EPHA6: variants seen among roughly 807,000 people sequenced by gnomAD.
The protein encoded by EPHA6 is ephrin type-A receptor 6.
EPHA6 carries 50 observed loss-of-function variants against 112.0 expected under a neutral mutation model. The ratio of observed to expected loss-of-function variants is 0.45; its 90% confidence interval spans 0.36 to 0.56. EPHA6 has a LOEUF of 0.56. Among genes scored for constraint, EPHA6 ranks in the 20% least tolerant of loss-of-function variants. EPHA6 has a pLI of 0.00. For missense variants in EPHA6, 1,280 were observed against 1,417.4 expected, an observed-to-expected ratio of 0.90 and a Z score of 1.56; for synonymous variants, 529 against 490.7, an observed-to-expected ratio of 1.08 and a Z score of -1.03.
intron 5 of EPHA6, among the ~76,000 whole-genome samples, chr3:97,319,667 C>CAA (rs1340197693): frequency 5.7e-4 from 31 of 54,740 alleles, no homozygotes; most frequent in African/African-American, 1.7e-3. Context: ...GAGATTGTCT[C>CAA]AAAAAAAAAA....
At chr3:97,554,056 A>G (rs538920412) in intron 11 of EPHA6, among the ~76,000 whole-genome samples, 2 of 152,294 alleles carry the variant, frequency 1.3e-5, no homozygotes, top group South Asian at 2.1e-4. Flanking sequence ...ATTAACAGCA[A>G]CAACTTAGTG....
At chr3:97,183,316 T>C (rs2077040721) in intron 3 of EPHA6, among the ~76,000 whole-genome samples, 1 of 152,136 alleles carries the variant, frequency 6.6e-6, no homozygotes, top group Admixed American at 6.6e-5. Context: ...GAAAAAATGT[T>C]AATTATCACT....
chr3:97,567,773 CTT>C (rs1033362737), intron 11 of EPHA6, among the ~76,000 whole-genome samples: 9 of 152,110 alleles, frequency 5.9e-5, no homozygotes, highest in Non-Finnish European at 1.3e-4. Context: ...GGAAAACAAA[CTT>C]TATTATACTC....
At chr3:97,399,911 T>C (rs1018441597) in intron 5 of EPHA6, among the ~76,000 whole-genome samples, 16 of 151,658 alleles carry the variant, frequency 1.1e-4, no homozygotes, top group African/African-American at 3.4e-4. Flanking sequence ...TTGATTGTTT[T>C]CTTTGCTGTT....
At chr3:97,567,650 A>G (rs2093284508) in intron 11 of EPHA6, among the ~76,000 whole-genome samples, 1 of 152,236 alleles carries the variant, frequency 6.6e-6, no homozygotes, top group African/African-American at 2.4e-5. Flanking sequence ...GGAGAGCACC[A>G]GGAGAAACAC....
At chr3:97,589,150 TTTC>T (rs1240989905) in intron 11 of EPHA6, among the ~76,000 whole-genome samples, 1 of 151,742 alleles carries the variant, frequency 6.6e-6, no homozygotes, top group Non-Finnish European at 1.5e-5. Context: ...ATTGCGATTT[TTTC>T]TTTTCTTCTC....
chr3:97,155,400 A>AT (rs776127549), intron 3 of EPHA6, among the ~76,000 whole-genome samples: 7 of 152,324 alleles, frequency 4.6e-5, no homozygotes, highest in Non-Finnish European at 8.8e-5. Flanking sequence ...AAATACCTGA[A>AT]TGTTTGTCAG....
At chr3:97,298,657 C>G (rs1282406464) in intron 5 of EPHA6, among the ~76,000 whole-genome samples, 1 of 151,488 alleles carries the variant, frequency 6.6e-6, no homozygotes, top group Non-Finnish European at 1.5e-5. Context: ...TCTGTTAATC[C>G]TAAAAAAAAG....
At chr3:96,863,600 A>G (rs370070009) in intron 1 of EPHA6, among the ~76,000 whole-genome samples, 1 of 152,152 alleles carries the variant, frequency 6.6e-6, no homozygotes, top group East Asian at 1.9e-4. Flanking sequence ...CTAAGAAACA[A>G]CAAAAAATGT....
intron 5 of EPHA6, among the ~76,000 whole-genome samples, chr3:97,332,411 A>T (rs964116178): frequency 6.6e-6 from 1 of 152,030 alleles, no homozygotes; most frequent in Non-Finnish European, 1.5e-5. Context: ...TGGCCAGGGC[A>T]ATCAGGCAGG....
intron 5 of EPHA6, among the ~76,000 whole-genome samples, chr3:97,367,431 C>T (rs1163320057): frequency 6.6e-6 from 1 of 152,112 alleles, no homozygotes; most frequent in East Asian, 1.9e-4. Flanking sequence ...TCTGGCTGGT[C>T]GTGTCCCTGG....
At chr3:96,904,197 G>A (rs1204257456) in intron 2 of EPHA6, among the ~76,000 whole-genome samples, 2 of 151,824 alleles carry the variant, frequency 1.3e-5, no homozygotes, top group African/African-American at 2.4e-5. Flanking sequence ...GCAAAGACTT[G>A]GAACCAACCC....
chr3:97,363,974 G>A (rs962520111), intron 5 of EPHA6, among the ~76,000 whole-genome samples: 1 of 152,060 alleles, frequency 6.6e-6, no homozygotes, highest in African/African-American at 2.4e-5. Flanking sequence ...AAGACAGAAA[G>A]TAGAATAGTG....
intron 14 of EPHA6, 31 bp from the exon 15 acceptor site, chr3:97,720,230 C>T (rs2034466297): frequency 2.0e-6 from 3 of 1,531,376 alleles, no homozygotes; most frequent in Admixed American, 4.2e-5. Flanking sequence ...CAACGATAAG[C>T]CAGCTAAGAA....
At chr3:97,305,708 G>C (rs1317012255) in intron 5 of EPHA6, among the ~76,000 whole-genome samples, 2 of 151,882 alleles carry the variant, frequency 1.3e-5, no homozygotes, top group African/African-American at 4.8e-5. Context: ...CACACACTGG[G>C]CCTGTCAGTG....
chr3:97,303,360 T>C (rs1265354531), intron 5 of EPHA6, among the ~76,000 whole-genome samples: 2 of 152,016 alleles, frequency 1.3e-5, no homozygotes, highest in Non-Finnish European at 2.9e-5. Flanking sequence ...AGCATTTCAG[T>C]TTTCCTGAGA....
intron 2 of EPHA6, among the ~76,000 whole-genome samples, chr3:96,940,668 T>G (rs567776424): frequency 6.6e-6 from 1 of 152,338 alleles, no homozygotes; most frequent in Non-Finnish European, 1.5e-5. Flanking sequence ...TTTTGTTCGT[T>G]AGTTGATGCA....
At chr3:97,303,999 T>C (rs191824217) in intron 5 of EPHA6, among the ~76,000 whole-genome samples, 6 of 152,086 alleles carry the variant, frequency 3.9e-5, no homozygotes, top group Admixed American at 6.6e-5. Flanking sequence ...ACTGTCTTTG[T>C]AGCAGTTGTG....
At chr3:97,677,662 A>G (rs891227067) in intron 14 of EPHA6, among the ~76,000 whole-genome samples, 1 of 150,510 alleles carries the variant, frequency 6.6e-6, no homozygotes, top group Non-Finnish European at 1.5e-5. Context: ...TGGAGGTTGC[A>G]GTGAGCCAAG....
Sources: allele counts gnomAD v4.1 joint callset (sites outside exome capture counted in the v4.1 genomes callset), GRCh38; gene constraint gnomAD v4.1.1; transcripts MANE v1.5; gene names NCBI Gene and HGNC (gene_info 2026-07-23, HGNC 2026-07-21).